Variants in SLC24A2 observed in about 807,000 individuals in gnomAD.
The protein encoded by SLC24A2 is solute carrier family 24 member 2, also known as sodium/potassium/calcium exchanger 2.
SLC24A2 carries 36 observed loss-of-function variants against 62.0 expected under a neutral mutation model. The ratio of observed to expected loss-of-function variants is 0.58; its 90% CI spans 0.44 to 0.77. The LOEUF (loss-of-function observed/expected upper bound fraction) is 0.77. Among genes scored for constraint, SLC24A2 ranks in the 30% least tolerant of loss-of-function variants. SLC24A2 has a pLI of 0.00. For synonymous variants in SLC24A2, 358 were observed against 294.0 expected, an observed-to-expected ratio of 1.22 and a Z score of -2.23; for missense variants, 846 against 817.9, an observed-to-expected ratio of 1.03 and a Z score of -0.42.
chr9:20,091,314 C>G, the SLC24A2 span, among the ~76,000 whole-genome samples: 10 of 151,882 alleles, frequency 6.6e-5, no homozygotes, highest in Non-Finnish European at 1.5e-4. Flanking sequence ...TTTCCCCAAC[C>G]CCACTGGAGA....
chr9:19,656,351 C>T lies in SLC24A2; in HGVS notation c.931-34052G>A, dbSNP rs115106653. Among the ~76,000 whole-genome samples the T allele has an allele frequency of 4.5e-3, 679 of 152,286 alleles. 11 individuals carry two copies. Among genetic ancestry groups the T allele is most frequent in the African/African-American group, 0.015 (640 of 41,560 alleles). ...TACAGTTAGATCAGTCTGACTTTAT[C>T]CTCTATTTGCAGCCACTACAACCTA... On this transcript the variant is annotated intron_variant, in intron 2 of 10. Transcript: ENST00000341998.
At chr9:19,645,964 G>C (rs1245902358) in intron 2 of SLC24A2, among the ~76,000 whole-genome samples, 1 of 152,190 alleles carries the variant, frequency 6.6e-6, no homozygotes, top group African/African-American at 2.4e-5. Flanking sequence ...CTACCTGTGT[G>C]ATCTTGGGAA....
the SLC24A2 span, among the ~76,000 whole-genome samples, chr9:19,987,188 G>C: frequency 6.6e-6 from 1 of 152,114 alleles, no homozygotes; most frequent in Admixed American, 6.6e-5. Context: ...AACGAGTTTA[G>C]TTGGGTCATG....
chr9:19,883,942 A>G, the SLC24A2 span, among the ~76,000 whole-genome samples: 3 of 152,160 alleles, frequency 2.0e-5, no homozygotes, highest in Non-Finnish European at 4.4e-5. Context: ...AAAAGGTGCT[A>G]CTTATTCTGG....
chr9:19,702,727 G>A (rs957205683), intron 2 of SLC24A2, among the ~76,000 whole-genome samples: 5 of 151,980 alleles, frequency 3.3e-5, no homozygotes, highest in Non-Finnish European at 5.9e-5. Context: ...CTTAATTTAC[G>A]TGGTACTAAC....
At chr9:19,661,456 G>T (rs116868085) in intron 2 of SLC24A2, among the ~76,000 whole-genome samples, 1,923 of 152,134 alleles carry the variant, frequency 0.013, 19 homozygotes, top group Middle Eastern at 0.041. Flanking sequence ...AGAAATGTCA[G>T]AATTTATTGT....
At chr9:20,232,311 T>TACC in the SLC24A2 span, among the ~76,000 whole-genome samples, 2 of 152,242 alleles carry the variant, frequency 1.3e-5, no homozygotes, top group African/African-American at 4.8e-5. Context: ...GAAGGAATGA[T>TACC]ACCAGCTCCT....
chr9:19,988,563 T>C, the SLC24A2 span, among the ~76,000 whole-genome samples: 1 of 152,184 alleles, frequency 6.6e-6, no homozygotes, highest in Non-Finnish European at 1.5e-5. Flanking sequence ...CCAGCTGGCC[T>C]TGCTATGCTT....
At chr9:19,917,648 G>T in the SLC24A2 span, among the ~76,000 whole-genome samples, 1 of 151,610 alleles carries the variant, frequency 6.6e-6, no homozygotes, top group African/African-American at 2.4e-5. Flanking sequence ...ACCTTTTGTT[G>T]TTTTTGTTGC....
intron 7 of SLC24A2, among the ~76,000 whole-genome samples, chr9:19,557,900 C>G (rs1835176670): frequency 6.6e-6 from 1 of 151,578 alleles, no homozygotes; most frequent in Non-Finnish European, 1.5e-5. Context: ...CTCACTGTAG[C>G]CTCCATCTCC....
At chr9:20,156,676 C>G in the SLC24A2 span, among the ~76,000 whole-genome samples, 2 of 151,702 alleles carry the variant, frequency 1.3e-5, no homozygotes, top group African/African-American at 4.8e-5. Context: ...TTGTCTTTGC[C>G]TTTCCTGTTT....
At chr9:19,649,706 G>C (rs1257634396) in intron 2 of SLC24A2, among the ~76,000 whole-genome samples, 1 of 152,202 alleles carries the variant, frequency 6.6e-6, no homozygotes. Flanking sequence ...CCAGTGGCAT[G>C]TGGTTCAATG....
chr9:19,522,239 C>T (rs561010396), intron 9 of SLC24A2, among the ~76,000 whole-genome samples: 39 of 152,230 alleles, frequency 2.6e-4, no homozygotes, highest in African/African-American at 9.4e-4. Context: ...GCCTCGAGAT[C>T]CTCCTGCCTT....
the SLC24A2 span, among the ~76,000 whole-genome samples, chr9:19,891,483 C>G: frequency 1.3e-5 from 2 of 152,170 alleles, no homozygotes; most frequent in Non-Finnish European, 2.9e-5. Context: ...CTGGTTAGGG[C>G]TTTAGGAAGC....
At chr9:19,859,588 T>C in the SLC24A2 span, among the ~76,000 whole-genome samples, 8 of 152,096 alleles carry the variant, frequency 5.3e-5, no homozygotes, top group Non-Finnish European at 1.0e-4. Flanking sequence ...GCACACCAAA[T>C]AAACAACTAT....
chr9:19,807,938 A>G, the SLC24A2 span, among the ~76,000 whole-genome samples: 1 of 152,242 alleles, frequency 6.6e-6, no homozygotes, highest in Non-Finnish European at 1.5e-5. Flanking sequence ...TCTTTAAGGT[A>G]TAAGTCATCC....
the SLC24A2 span, among the ~76,000 whole-genome samples, chr9:20,247,677 A>G: frequency 1.3e-5 from 2 of 152,230 alleles, no homozygotes; most frequent in East Asian, 1.9e-4. Flanking sequence ...AGTCTATAGT[A>G]TGGTGTTATG....
the SLC24A2 span, among the ~76,000 whole-genome samples, chr9:20,264,357 T>C: frequency 6.6e-6 from 1 of 152,232 alleles, no homozygotes; most frequent in Non-Finnish European, 1.5e-5. Context: ...GTTCATCTCA[T>C]CCACAGTGGG....
the SLC24A2 span, among the ~76,000 whole-genome samples, chr9:20,095,750 G>C: frequency 6.7e-6 from 1 of 150,158 alleles, no homozygotes; most frequent in African/African-American, 2.4e-5. Flanking sequence ...CCCAAGACTG[G>C]GTAATTTATT....
Sources: gnomAD v4.1 joint callset for allele counts (sites outside exome capture counted in the v4.1 genomes callset) on GRCh38, gnomAD v4.1.1 for gene constraint, MANE v1.5 for transcripts, NCBI Gene and HGNC (gene_info 2026-07-23, HGNC 2026-07-21) for gene names.